RYR3: variants seen among roughly 807,000 people sequenced by gnomAD.
RYR3 encodes ryanodine receptor 3.
A neutral mutation model predicts 584.3 loss-of-function variants in RYR3; 207 were observed. The ratio of observed to expected loss-of-function variants is 0.35; its 90% CI spans 0.32 to 0.40. The LOEUF is 0.40. RYR3 is among the 10% of genes least tolerant of loss of function. RYR3 has a pLI of 1.00. For synonymous variants in RYR3, 2,416 were observed against 2,248.5 expected (o/e 1.07, Z -2.11); for missense variants, 5,616 against 6,089.2 (o/e 0.92, Z 2.59).
At chr15:33,369,369 G>A (rs1229628655) in intron 1 of RYR3, among the ~76,000 whole-genome samples, 1 of 152,178 alleles carries the variant, frequency 6.6e-6, no homozygotes, top group African/African-American at 2.4e-5. Flanking sequence ...CCTTTGTTCA[G>A]TCTCTGGTCC....
chr15:33,713,703 T>C (rs991512658), intron 43 of RYR3, among the ~76,000 whole-genome samples: 9 of 152,152 alleles, frequency 5.9e-5, no homozygotes, highest in African/African-American at 2.2e-4. Context: ...ACAACGTAAA[T>C]TTATCTCTTA....
intron 60 of RYR3, among the ~76,000 whole-genome samples, chr15:33,762,158 G>T (rs193060727): frequency 4.0e-4 from 61 of 152,224 alleles, no homozygotes; most frequent in African/African-American, 1.3e-3. Context: ...CATACTGAAT[G>T]GGCAAAAGCT....
chr15:33,670,201 T>C (rs1402922049), intron 37 of RYR3, among the ~76,000 whole-genome samples: 1 of 151,024 alleles, frequency 6.6e-6, no homozygotes, highest in Non-Finnish European at 1.5e-5. Context: ...TGTTTTAGGA[T>C]TAAACTTACT....
At chr15:33,688,591 AG>A (rs1285388321) in intron 38 of RYR3, among the ~76,000 whole-genome samples, 17 of 148,086 alleles carry the variant, frequency 1.1e-4, no homozygotes, top group Non-Finnish European at 7.6e-5. Context: ...AAAAAAAAAA[AG>A]ACATTTATGC....
chr15:33,624,257 TAGAC>T (rs1428281325), intron 20 of RYR3, among the ~76,000 whole-genome samples: 8 of 152,356 alleles, frequency 5.3e-5, no homozygotes, highest in Admixed American at 3.9e-4. Context: ...CTGTGAAGGA[TAGAC>T]AGAAATATTT....
At chr15:33,853,015 A>G (rs1293724593) in intron 94 of RYR3, 30 bp from the exon 95 acceptor site, 3 of 1,590,732 alleles carry the variant, frequency 1.9e-6, no homozygotes, top group Non-Finnish European at 2.6e-6. Flanking sequence ...TTAAGAATGA[A>G]GAACCAACCT....
intron 64 of RYR3, among the ~76,000 whole-genome samples, chr15:33,777,801 AAG>A (rs2074103178): frequency 6.6e-6 from 1 of 151,556 alleles, no homozygotes; most frequent in East Asian, 1.9e-4. Context: ...AAAAAAAAAA[AAG>A]AGAAGAATAA....
At chr15:33,818,517 G>C (rs1352753153) in intron 75 of RYR3, 61 bp from the exon 76 acceptor site, 1 of 1,257,260 alleles carries the variant, frequency 8.0e-7, no homozygotes, top group Non-Finnish European at 1.2e-6. Flanking sequence ...TTGTTCGCAT[G>C]CCAGTCACGT....
At chr15:33,372,631 C>T (rs2040425468) in intron 1 of RYR3, among the ~76,000 whole-genome samples, 1 of 152,112 alleles carries the variant, frequency 6.6e-6, no homozygotes. Flanking sequence ...TCCCAAAGTG[C>T]TGGGATTACA....
chr15:33,692,579 G>A (rs955338977), intron 38 of RYR3, among the ~76,000 whole-genome samples: 3 of 150,912 alleles, frequency 2.0e-5, no homozygotes, highest in African/African-American at 4.9e-5. Context: ...GCAACACAGC[G>A]GTAAGTCTTG....
At chr15:33,600,725 T>G (rs1022158603) in intron 16 of RYR3, among the ~76,000 whole-genome samples, 1 of 152,086 alleles carries the variant, frequency 6.6e-6, no homozygotes, top group Admixed American at 6.6e-5. Flanking sequence ...GGTATCTTCA[T>G]GAGTTTTGAT....
intron 38 of RYR3, among the ~76,000 whole-genome samples, chr15:33,688,785 A>G (rs2065200425): frequency 6.6e-6 from 1 of 152,094 alleles, no homozygotes; most frequent in Non-Finnish European, 1.5e-5. Flanking sequence ...TGGAAGTGTA[A>G]AGTAGTTCAA....
chr15:33,379,364 T>C (rs1595902475), intron 1 of RYR3, among the ~76,000 whole-genome samples: 1 of 152,146 alleles, frequency 6.6e-6, no homozygotes, highest in Admixed American at 6.5e-5. Flanking sequence ...TGAAGGGCCA[T>C]GCTGGGGATT....
At chr15:33,535,759 C>T (rs940348465) in intron 5 of RYR3, among the ~76,000 whole-genome samples, 4 of 152,136 alleles carry the variant, frequency 2.6e-5, no homozygotes, top group Non-Finnish European at 5.9e-5. Flanking sequence ...GAAACAACAG[C>T]GGCAACATTA....
At chr15:33,436,488 A>G (rs933717620) in intron 1 of RYR3, among the ~76,000 whole-genome samples, 1 of 149,826 alleles carries the variant, frequency 6.7e-6, no homozygotes, top group Admixed American at 6.6e-5. Context: ...CTGCCTTTTC[A>G]TGAAACCATA....
rs533646699 is a variant in RYR3 at position 33,665,921 on chromosome 15, C to T, written c.5619+2184C>T. Among the ~76,000 whole-genome samples the T allele has an allele frequency of 7.0e-4, 106 of 152,318 alleles. 1 individual carries two copies. Among genetic ancestry groups the T allele is most frequent in the African/African-American group, 2.4e-3 (100 of 41,570 alleles). ...GAAGTCAGTAACTCAAGAAATTCTT[C>T]ACTAATGTATTAGACCAGTGATTCT... On this transcript the variant is annotated intron_variant, in intron 36 of 103. Transcript: ENST00000634891.
In RYR3 at chr15:33,853,041, T is replaced by C; in HGVS notation, c.13629-4T>C. 1 of 1,605,224 alleles carries C rather than the reference T, an allele frequency of 6.2e-7. No individual in the cohort carries two copies. Among genetic ancestry groups the C allele is most frequent in the Non-Finnish European group, 8.5e-7 (1 of 1,175,942 alleles). On this transcript the variant is annotated splice_polypyrimidine_tract_variant and splice_region_variant and intron_variant, in intron 94 of 103. Transcript: ENST00000634891. ...GAACCAACCTTTTTCGTTTTGTTTT[T>C]CAGATCTTTTCCTAATAACTACTGG...
Position 33,780,353 on chromosome 15 carries a change from C to A in RYR3, c.9268+12C>A, listed in dbSNP as rs1277240916. 6.2e-7 allele frequency: 1 copy of A among 1,613,028 alleles called. No individual in the cohort carries two copies. The highest frequency in any genetic ancestry group is 1.7e-5 in the Admixed American group (1 of 59,920). ...CAGGGAGAGGTCTAGTAAGTATCTC[C>A]CCTCAAAGGTCATCAACCCATTTCA... On this transcript the variant is annotated intron_variant, in intron 65 of 103. Coordinates refer to ENST00000634891, the MANE Select transcript of RYR3 (RefSeq NM_001036.6).
At chr15:33,644,678 A>T (rs16957135) in intron 28 of RYR3, among the ~76,000 whole-genome samples, 159 bp downstream of exon 28, 1 of 152,110 alleles carries the variant, frequency 6.6e-6, no homozygotes. Context: ...AGTTGCAGGC[A>T]TCTTAATTGG....
Sources: gnomAD v4.1 joint callset for allele counts (sites outside exome capture counted in the v4.1 genomes callset) on GRCh38, gnomAD v4.1.1 for gene constraint, MANE v1.5 for transcripts, NCBI Gene and HGNC (gene_info 2026-07-23, HGNC 2026-07-21) for gene names.